Variants in MTG1 observed in about 807,000 individuals in gnomAD.
MTG1 encodes the protein mitochondrial ribosome-associated GTPase 1.
In MTG1, 30 loss-of-function variants were observed where a neutral mutation model predicts 39.5. The ratio of observed to expected loss-of-function variants is 0.76; its 90% CI spans 0.57 to 1.03. The LOEUF (loss-of-function observed/expected upper bound fraction) is 1.03, where lower values mean the gene tolerates loss of function less well. Ranked by LOEUF, MTG1 falls within the 50% of genes least tolerant of loss-of-function variation. MTG1 has a pLI of 0.00. For missense variants in MTG1, 513 were observed against 447.4 expected, an observed-to-expected ratio of 1.15 and a Z score of -1.32; for synonymous variants, 217 against 179.0, an observed-to-expected ratio of 1.21 and a Z score of -1.69.
chr10:133,411,942 G>A (rs1053537410), intron 9 of MTG1, among the ~76,000 whole-genome samples: 3 of 151,980 alleles, frequency 2.0e-5, no homozygotes, highest in African/African-American at 7.3e-5. Flanking sequence ...ATTAGGGTTG[G>A]CCACTGGCTC....
intron 4 of MTG1, among the ~76,000 whole-genome samples, 199 bp downstream of exon 4, chr10:133,398,714 G>T (rs145193358): frequency 1.7e-4 from 26 of 152,216 alleles, no homozygotes; most frequent in Admixed American, 1.3e-4. Flanking sequence ...GGCTGTAGAC[G>T]CATTCCAGGG....
At position 133,402,477 on chromosome 10, in the gene MTG1, G is replaced by A. The variant is rs1589911944; in HGVS notation, c.671-215G>A. ...GTGGCCTTCCCTTTCCCCATTTGAC[G>A]GACCAGGGCAGAGAGGTTGGTCGCA... On this transcript the variant is annotated intron_variant, in intron 8 of 10. Coordinates refer to ENST00000317502, the MANE Select transcript of MTG1 (RefSeq NM_138384.4). The surrounding 1 kb of genome is among the most constrained non-coding windows in gnomAD (Gnocchi z 4.7). The A allele has an allele frequency of 7.3e-6, 5 of 688,344 alleles. No individual in the cohort carries two copies. The highest frequency in any genetic ancestry group is 5.4e-5 in the East Asian group (2 of 36,830). 42.6% of individuals were successfully genotyped at this position (688,344 alleles called of 1,614,324 possible).
intron 9 of MTG1, among the ~76,000 whole-genome samples, chr10:133,413,905 T>A (rs1342104752): frequency 6.6e-6 from 1 of 151,872 alleles, no homozygotes; most frequent in Non-Finnish European, 1.5e-5. Context: ...CTCATTTCTT[T>A]GTGTTTTCTT....
intron 2 of MTG1, among the ~76,000 whole-genome samples, 168 bp from the exon 3 acceptor site, chr10:133,395,995 A>G (rs1164094564): frequency 6.6e-6 from 1 of 152,226 alleles, no homozygotes; most frequent in Non-Finnish European, 1.5e-5. Flanking sequence ...CAGCAGTGGA[A>G]TCCTCTAGAT....
At chr10:133,395,618 T>C (rs1849770586) in intron 1 of MTG1, 95 bp from the exon 2 acceptor site, 2 of 1,158,762 alleles carry the variant, frequency 1.7e-6, no homozygotes, top group Admixed American at 3.9e-5. Flanking sequence ...TTTTAGGTTA[T>C]TTATGGTGGC....
At chr10:133,411,515 T>C (rs908961307) in intron 9 of MTG1, among the ~76,000 whole-genome samples, 1 of 152,236 alleles carries the variant, frequency 6.6e-6, no homozygotes, top group Non-Finnish European at 1.5e-5. Flanking sequence ...TCTGTAATTA[T>C]TTCTTTGAAT....
chr10:133,412,594 G>A (rs1000608285), intron 9 of MTG1, among the ~76,000 whole-genome samples: 2 of 152,170 alleles, frequency 1.3e-5, no homozygotes, highest in Non-Finnish European at 2.9e-5. Context: ...TAGTATTTGA[G>A]ATGTGGTGAG....
At chr10:133,405,372 C>G (rs964587896) in intron 9 of MTG1, among the ~76,000 whole-genome samples, 10 of 152,138 alleles carry the variant, frequency 6.6e-5, no homozygotes, top group Non-Finnish European at 5.9e-5. Context: ...TATCCATCAT[C>G]CCAAACATTT....
rs1270636066 is a variant in MTG1, at chr10:133,401,516, C to G, written c.512-13C>G. ...AGTATACATTTGAGCCTCCTTTTCT[C>G]CTTTTCCTACAGGGAAAGCCACCAG... On this transcript the variant is annotated splice_polypyrimidine_tract_variant and intron_variant, in intron 6 of 10. Transcript: ENST00000317502. 1 of 1,553,276 alleles carries G rather than the reference C, an allele frequency of 6.4e-7. No individual in the cohort carries two copies.
At chr10:133,416,040 G>A (rs928295940) in intron 9 of MTG1, among the ~76,000 whole-genome samples, 4 of 136,108 alleles carry the variant, frequency 2.9e-5, no homozygotes, top group South Asian at 4.5e-4. Context: ...GCAGGCGGGC[G>A]TCGGGCAGGC....
rs1444562953 is a variant in MTG1, at chr10:133,420,130, C to T, written c.970C>T (p.Leu324=). The stretch of plus-strand genomic sequence containing the variant: ...TTCCGTGATGCTGGACCTCGACGTC[C>T]TGCGGGGCCACCCCCCGGCTGAGAC... ...LGSVMLDLDV[L]RGHPPAETLP Residue 324 remains leucine (L), a synonymous_variant, in exon 11 of 11, where the codon CTG becomes TTG. Coordinates refer to ENST00000317502, the MANE Select transcript of MTG1 (RefSeq NM_138384.4). The T allele has an allele frequency of 3.1e-6, 5 of 1,612,982 alleles. No homozygotes were observed. Among genetic ancestry groups the T allele is most frequent in the East Asian group, 2.2e-5 (1 of 44,852 alleles).
At chr10:133,395,614 G>T in intron 1 of MTG1, 99 bp from the exon 2 acceptor site, 1 of 1,121,574 alleles carries the variant, frequency 8.9e-7, no homozygotes, top group African/African-American at 1.5e-5. Context: ...GTCTTTTTAG[G>T]TTATTTATGG....
intron 2 of MTG1, 69 bp from the exon 3 acceptor site, chr10:133,396,094 A>T: frequency 1.4e-6 from 2 of 1,411,012 alleles, no homozygotes; most frequent in Non-Finnish European, 2.0e-6. Flanking sequence ...TGATTCGTTC[A>T]CTGATGGCAA....
In MTG1 at chr10:133,399,214, C is replaced by G. The variant is rs1849831688; in HGVS notation, c.408C>G (p.Tyr136Ter). ...AACTGATTGGGAGAAGCCACCGCTA[C>G]CACCGAAAAGAGGTTGGTTGGTGGG... ...VTELIGRSHRYHRKENLEYCI... is the reference protein window; with the variant it reads ...VTELIGRSHR Residue 136 changes from tyrosine (Y) to a stop codon, truncating the protein, a stop_gained, in exon 5 of 11, where the codon TAC (tyrosine) becomes TAG (stop). Transcript: ENST00000317502. LOFTEE classifies it high-confidence loss of function. 6.2e-7 allele frequency: 1 copy of G among 1,614,142 alleles called. No individual in the cohort carries two copies. The highest frequency in any genetic ancestry group is 8.5e-7 in the Non-Finnish European group (1 of 1,180,028).
At chr10:133,394,843 A>G in intron 1 of MTG1, 1 of 693,024 alleles carries the variant, frequency 1.4e-6, no homozygotes, top group Non-Finnish European at 1.8e-6. Flanking sequence ...CTCTGGGGCC[A>G]GCCCAGCCCG....
At chr10:133,419,639 C>G (rs113268063) in intron 10 of MTG1, 47 bp downstream of exon 10, 1 of 1,479,910 alleles carries the variant, frequency 6.8e-7, no homozygotes, top group Non-Finnish European at 9.2e-7. Flanking sequence ...CCCCATCACC[C>G]TGGGGGACCC....
At chr10:133,397,366 A>C (rs996732358) in intron 3 of MTG1, among the ~76,000 whole-genome samples, 1 of 151,892 alleles carries the variant, frequency 6.6e-6, no homozygotes, top group Non-Finnish European at 1.5e-5. Flanking sequence ...CTTTGTATCC[A>C]ATAAATATTA....
At chr10:133,401,216 TG>T (rs1849869831) in intron 6 of MTG1, among the ~76,000 whole-genome samples, 2 of 152,172 alleles carry the variant, frequency 1.3e-5, no homozygotes, top group Admixed American at 1.3e-4. Context: ...TTTCCAGTCC[TG>T]GGGAGTTAGG....
intron 9 of MTG1, among the ~76,000 whole-genome samples, chr10:133,410,030 C>T (rs1211740473): frequency 1.3e-5 from 2 of 151,570 alleles, no homozygotes; most frequent in African/African-American, 4.9e-5. Flanking sequence ...TGTTTTTTAT[C>T]CATTTAGCCA....
Sources: allele counts gnomAD v4.1 joint callset (sites outside exome capture counted in the v4.1 genomes callset), GRCh38; gene constraint gnomAD v4.1.1; non-coding constraint Gnocchi (gnomAD v3.1); transcripts MANE v1.5; gene names NCBI Gene and HGNC (gene_info 2026-07-23, HGNC 2026-07-21).